The following PAXIP1 variants were observed in gnomAD, a reference collection of about 807,000 sequenced individuals.
The protein encoded by PAXIP1 is PAX interacting protein 1, also known as PAX-interacting protein 1.
Under a neutral mutation model 140.6 loss-of-function variants are expected in PAXIP1, and 19 were observed. That is an observed-to-expected ratio of 0.14 (90% confidence interval 0.09 to 0.20). The LOEUF (loss-of-function observed/expected upper bound fraction) is 0.20, where lower values mean the gene tolerates loss of function less well. Among genes scored for constraint, PAXIP1 ranks in the 10% least tolerant of loss-of-function variants. The pLI is 1.00. For synonymous variants in PAXIP1, 442 were observed against 444.6 expected (o/e 0.99, Z 0.07); for missense variants, 920 against 1,208.6 (o/e 0.76, Z 3.54).
chr7:154,997,060 A>C (rs553830893), intron 2 of PAXIP1, among the ~76,000 whole-genome samples: 1 of 152,284 alleles, frequency 6.6e-6, no homozygotes, highest in East Asian at 1.9e-4. Context: ...ACTGTCCCTA[A>C]AGCAGTACAA....
intron 4 of PAXIP1, chr7:154,985,892 G>T (rs1362020265): frequency 3.1e-6 from 2 of 649,478 alleles, no homozygotes; most frequent in Non-Finnish European, 4.6e-6. Flanking sequence ...AAGGCACATG[G>T]GTAGGCAGTC....
rs1203754919 is a variant in PAXIP1, at chr7:154,998,646, T to C, written c.216+4A>G. The C allele has an allele frequency of 6.2e-7, 1 of 1,611,988 alleles. No individual in the cohort carries two copies. The highest frequency in any genetic ancestry group is 1.3e-5 in the African/African-American group (1 of 74,898). On this transcript the variant is annotated splice_donor_region_variant and intron_variant, in intron 2 of 20. Coordinates refer to ENST00000404141, the MANE Select transcript of PAXIP1 (RefSeq NM_007349.4). Reference sequence around the variant, plus strand: ...ATATAAAACAAATTATGTTTACTACTGACCTTTACAACAGGTAAGTCAAAG... The same window carrying C: ...ATATAAAACAAATTATGTTTACTACCGACCTTTACAACAGGTAAGTCAAAG...
chr7:154,982,662 T>C (rs908465728), intron 5 of PAXIP1, among the ~76,000 whole-genome samples: 1 of 152,182 alleles, frequency 6.6e-6, no homozygotes, highest in African/African-American at 2.4e-5. Context: ...ACAGGCTGCA[T>C]TTCTAACAAG....
At chr7:154,979,401 TG>T (rs1440148334) in intron 5 of PAXIP1, among the ~76,000 whole-genome samples, 1 of 152,082 alleles carries the variant, frequency 6.6e-6, no homozygotes, top group Non-Finnish European at 1.5e-5. Context: ...TAAAAAGAAA[TG>T]TTATTTTTGT....
chr7:154,976,564 G>A (rs1287131475), intron 5 of PAXIP1, among the ~76,000 whole-genome samples: 3 of 152,214 alleles, frequency 2.0e-5, no homozygotes, highest in East Asian at 3.8e-4. Context: ...TGTAGCAGGA[G>A]TCTTAAAAGA....
chr7:155,003,260 C>G (rs1233655507), upstream of PAXIP1, among the ~76,000 whole-genome samples: 2 of 150,374 alleles, frequency 1.3e-5, no homozygotes, highest in East Asian at 4.0e-4. Context: ...CTGGCGCCGG[C>G]AGCCCGCTCT....
intron 8 of PAXIP1, among the ~76,000 whole-genome samples, chr7:154,966,742 C>T (rs1317967437): frequency 6.6e-6 from 1 of 152,194 alleles, no homozygotes; most frequent in Non-Finnish European, 1.5e-5. Context: ...TCTCCCTGGT[C>T]ACCCTCAGAT....
chr7:154,977,246 A>G (rs1258087741), intron 5 of PAXIP1, among the ~76,000 whole-genome samples: 2 of 152,242 alleles, frequency 1.3e-5, no homozygotes, highest in East Asian at 3.8e-4. Context: ...ATGTTAAATA[A>G]GAGTAATATG....
chr7:154,957,205 T>A lies in PAXIP1; in HGVS notation c.2549+19A>T. On this transcript the variant is annotated intron_variant, in intron 14 of 20. Transcript: ENST00000404141. Reference sequence around the variant, plus strand: ...CCTGTGAAAGCCAGCAATGAAAAATTTAAGGTTATTACTCATACCTGGCTC... The same window carrying A: ...CCTGTGAAAGCCAGCAATGAAAAATATAAGGTTATTACTCATACCTGGCTC... The A allele has an allele frequency of 2.0e-6, 3 of 1,487,490 alleles. No individual in the cohort carries two copies. Among genetic ancestry groups the A allele is most frequent in the Non-Finnish European group, 2.8e-6 (3 of 1,080,654 alleles). The allele number at this position is 1,487,490 out of a possible 1,614,324, so 92.1% of individuals were successfully genotyped here.
chr7:155,002,072 T>G (rs1810929559), intron 1 of PAXIP1: 1 of 152,260 alleles, frequency 6.6e-6, no homozygotes, highest in South Asian at 2.1e-4. Context: ...GAAGAGGATA[T>G]TCAACTAAGA....
chr7:154,998,062 C>T (rs1810720592), intron 2 of PAXIP1, among the ~76,000 whole-genome samples: 1 of 152,282 alleles, frequency 6.6e-6, no homozygotes, highest in South Asian at 2.1e-4. Flanking sequence ...TAACGTGGGA[C>T]GAGTTCTGCA....
intron 16 of PAXIP1, among the ~76,000 whole-genome samples, chr7:154,952,353 G>A (rs371665544): frequency 3.3e-5 from 5 of 152,166 alleles, no homozygotes; most frequent in East Asian, 1.9e-4. Flanking sequence ...GTTCCTAGCC[G>A]GGAGGAACAA....
In PAXIP1 at chr7:154,960,846, A is replaced by G. The variant is rs779884813; in HGVS notation, c.2434+47T>C. 6.8e-6 allele frequency: 9 copies of G among 1,320,624 alleles called. No homozygotes were observed. The African/African-American group carries it at 1.3e-4, about 20-fold the overall frequency. The allele number at this position is 1,320,624 out of a possible 1,614,324, so 81.8% of individuals were successfully genotyped here. A position where few individuals can be genotyped will look rare whatever the true frequency, so the allele number is the denominator to read the frequency against. Reference sequence around the variant, plus strand: ...ATAAAAAGATGGTAGAAGTAATGCTAATGATTTTATTTAAGTAAGATTTGC... The same window carrying G: ...ATAAAAAGATGGTAGAAGTAATGCTGATGATTTTATTTAAGTAAGATTTGC... On this transcript the variant is annotated intron_variant, in intron 12 of 20. Transcript: ENST00000404141.
intron 4 of PAXIP1, among the ~76,000 whole-genome samples, chr7:154,985,013 G>A (rs553512146): frequency 3.9e-4 from 59 of 152,194 alleles, no homozygotes; most frequent in African/African-American, 1.3e-3. Flanking sequence ...CCAATAACTC[G>A]CTTATGTCAA....
chr7:155,002,944 G>A lies in PAXIP1; in HGVS notation c.-15C>T. 1.0e-5 allele frequency: 13 copies of A among 1,241,080 alleles called. No homozygotes were observed. Among genetic ancestry groups the A allele is most frequent in the South Asian group, 8.2e-5 (4 of 48,926 alleles). 76.9% of individuals were successfully genotyped at this position (1,241,080 alleles called of 1,614,324 possible). The stretch of plus-strand genomic sequence containing the variant: ...TGGTCCGACATGATCGCGGCGGCCC[G>A]GGAGGCTCCGCGGCGGCGCCCGGCC... On this transcript the variant is annotated 5_prime_UTR_variant, in exon 1 of 21. Coordinates refer to ENST00000404141, the MANE Select transcript of PAXIP1 (RefSeq NM_007349.4).
chr7:154,993,275 A>G lies in PAXIP1; in HGVS notation c.260+451T>C, dbSNP rs77159380. Among the ~76,000 whole-genome samples, 980 of 152,276 alleles carry G rather than the reference A, an allele frequency of 6.4e-3. 14 individuals carry two copies. Among genetic ancestry groups the G allele is most frequent in the African/African-American group, 0.023 (937 of 41,552 alleles). ...TCTTCTTCACCCCTCTATTTTCAGT[A>G]CTCAACCCACAGCACAGGTGCACTG... On this transcript the variant is annotated intron_variant, in intron 3 of 20. Transcript: ENST00000404141.
chr7:154,993,106 A>G (rs1445378247), intron 3 of PAXIP1, among the ~76,000 whole-genome samples: 1 of 152,172 alleles, frequency 6.6e-6, no homozygotes, highest in Non-Finnish European at 1.5e-5. Context: ...ATGAAAAGGG[A>G]GCCACCAGGC....
At chr7:154,965,886 G>A (rs923336855) in intron 8 of PAXIP1, among the ~76,000 whole-genome samples, 1 of 152,140 alleles carries the variant, frequency 6.6e-6, no homozygotes, top group South Asian at 2.1e-4. Flanking sequence ...GGGGTCAGCG[G>A]TACATGTCTC....
rs529203044 is a variant in PAXIP1, at chr7:154,998,173, C to T, written c.216+477G>A. ...CTGAAGCTAAGGGAAGTTACTCAGACGTTAAAGATGTCCACAGTTATCTGG... is the reference window on the plus strand; with the variant it reads ...CTGAAGCTAAGGGAAGTTACTCAGATGTTAAAGATGTCCACAGTTATCTGG... On this transcript the variant is annotated intron_variant, in intron 2 of 20. Transcript: ENST00000404141. Among the ~76,000 whole-genome samples, 100 of 152,284 alleles carry T rather than the reference C, an allele frequency of 6.6e-4. 1 individual carries two copies. In the South Asian group the frequency reaches 0.02, roughly 30 times the overall value.
Sources: allele counts gnomAD v4.1 joint callset (sites outside exome capture counted in the v4.1 genomes callset), GRCh38; gene constraint gnomAD v4.1.1; transcripts MANE v1.5; gene names NCBI Gene and HGNC (gene_info 2026-07-23, HGNC 2026-07-21).